Variants in MTF2 observed in about 807,000 individuals in gnomAD.
MTF2 encodes the protein metal-response element-binding transcription factor 2.
In MTF2, 11 loss-of-function variants were observed where a neutral mutation model predicts 79.5. That is an observed-to-expected ratio of 0.14 (90% CI 0.09 to 0.23). MTF2 has a LOEUF of 0.23. Among genes scored for constraint, MTF2 ranks in the 10% least tolerant of loss-of-function variants. MTF2 has a pLI of 1.00. For synonymous variants in MTF2, 208 were observed against 232.8 expected, an observed-to-expected ratio of 0.89 and a Z score of 0.97; for missense variants, 486 against 711.2, an observed-to-expected ratio of 0.68 and a Z score of 3.60.
intron 1 of MTF2, among the ~76,000 whole-genome samples, chr1:93,080,411 G>A (rs916053947): frequency 3.3e-5 from 5 of 152,158 alleles, no homozygotes; most frequent in Admixed American, 1.3e-4. Context: ...GGGAACAGAT[G>A]GATTTATCGG....
At chr1:93,135,674 G>T (rs36057148) in intron 14 of MTF2, among the ~76,000 whole-genome samples, 2 of 152,220 alleles carry the variant, frequency 1.3e-5, no homozygotes, top group Middle Eastern at 3.4e-3. Flanking sequence ...TTATCTGGGC[G>T]TGGTATTGGT....
chr1:93,086,992 A>G (rs1172080728), intron 1 of MTF2, among the ~76,000 whole-genome samples: 1 of 152,202 alleles, frequency 6.6e-6, no homozygotes, highest in East Asian at 1.9e-4. Flanking sequence ...TTTCATACAC[A>G]CGTTGTATGC....
At chr1:93,085,193 CTT>C (rs1306405963) in intron 1 of MTF2, among the ~76,000 whole-genome samples, 8 of 143,922 alleles carry the variant, frequency 5.6e-5, no homozygotes, top group Admixed American at 1.4e-4. Flanking sequence ...TTCTTTCTTT[CTT>C]TTTTTTTTTT....
intron 4 of MTF2, 95 bp downstream of exon 4, chr1:93,114,878 C>T (rs1656183729): frequency 8.2e-7 from 1 of 1,224,626 alleles, no homozygotes; most frequent in Admixed American, 2.3e-5. Context: ...TTGAAATTAT[C>T]CTTTTTATTA....
Position 93,079,417 on chromosome 1 carries a change from C to G in MTF2, c.-110C>G. 1.4e-6 allele frequency: 2 copies of G among 1,403,578 alleles called. No individual in the cohort carries two copies. Among genetic ancestry groups the G allele is most frequent in the Non-Finnish European group, 2.0e-6 (2 of 993,550 alleles). 86.9% of individuals were successfully genotyped at this position (1,403,578 alleles called of 1,614,324 possible). On this transcript the variant is annotated 5_prime_UTR_variant, in exon 1 of 15. Transcript: ENST00000370298. ...TTGTGCGTGCATATGTGCCGGGTAC[C>G]CGGTGGGGCGGGTGCCCAGTAAGTG...
chr1:93,101,586 T>TTTTTTTTTTG (rs1655545039), intron 1 of MTF2, among the ~76,000 whole-genome samples: 1 of 116,382 alleles, frequency 8.6e-6, no homozygotes, highest in Non-Finnish European at 1.8e-5. Flanking sequence ...TTTTTTTTTT[T>TTTTTTTTTTG]TTTTTTTTTT....
At chr1:93,123,210 C>CTT (rs749700655) in intron 9 of MTF2, among the ~76,000 whole-genome samples, 21 of 94,232 alleles carry the variant, frequency 2.2e-4, no homozygotes, top group African/African-American at 3.5e-4. Flanking sequence ...TCAGCTCTTT[C>CTT]TTTTTTTTTT....
intron 11 of MTF2, among the ~76,000 whole-genome samples, chr1:93,131,384 G>A (rs1656911928): frequency 1.3e-5 from 2 of 152,176 alleles, no homozygotes; most frequent in Admixed American, 6.5e-5. Flanking sequence ...CTTGATAAAA[G>A]GAATTTCTTT....
Position 93,114,707 on chromosome 1 carries a change from A to T in MTF2, c.306A>T (p.Glu102Asp). Residue 102 changes from glutamate (E) to aspartate (D), a missense_variant, in exon 4 of 15, where the codon GAA becomes GAT. Coordinates refer to ENST00000370298, the MANE Select transcript of MTF2 (RefSeq NM_007358.4). ...TTTTAGGAGCCACTGGAAGTGGGGAAATGGTCTGTACAATATGTCAAGAAG... is the reference window on the plus strand; with the variant it reads ...TTTTAGGAGCCACTGGAAGTGGGGATATGGTCTGTACAATATGTCAAGAAG... Reference protein sequence around the residue: ...DIQTGATGSGEMVCTICQEEY... With the variant: ...DIQTGATGSGDMVCTICQEEY... The T allele has an allele frequency of 6.2e-7, 1 of 1,606,102 alleles. No homozygotes were observed.
At position 93,137,135 on chromosome 1, in the gene MTF2, CA is replaced by C; in HGVS notation, c.*115del. ...ATCTTTCTTAAAAAAAAAAAAAAGT[CA>C]AAAAAATTCAAAAAAGGGGATGATA... On this transcript the variant is annotated 3_prime_UTR_variant, in exon 15 of 15. Coordinates refer to ENST00000370298, the MANE Select transcript of MTF2 (RefSeq NM_007358.4). 3.7e-6 allele frequency: 3 copies of C among 809,330 alleles called. No homozygotes were observed. Among genetic ancestry groups the C allele is most frequent in the Non-Finnish European group, 5.7e-6 (3 of 529,430 alleles). 50.1% of individuals were successfully genotyped at this position (809,330 alleles called of 1,614,324 possible). A position where few individuals can be genotyped will look rare whatever the true frequency, so the allele number is the denominator to read the frequency against.
intron 9 of MTF2, among the ~76,000 whole-genome samples, chr1:93,123,888 A>G (rs1456854496): frequency 6.6e-6 from 1 of 150,952 alleles, no homozygotes; most frequent in Non-Finnish European, 1.5e-5. Flanking sequence ...CTCCATTATC[A>G]ACATCCCTCC....
Position 93,110,634 on chromosome 1 carries a change from C to G in MTF2, c.286+8C>G. 1 of 1,588,370 alleles carries G rather than the reference C, an allele frequency of 6.3e-7. No homozygotes were observed. Among genetic ancestry groups the G allele is most frequent in the Non-Finnish European group, 8.6e-7 (1 of 1,160,288 alleles). On this transcript the variant is annotated splice_region_variant and intron_variant, in intron 3 of 14. Coordinates refer to ENST00000370298, the MANE Select transcript of MTF2 (RefSeq NM_007358.4). ...GGAAGGACATTCAAACAGGCAGGTGCTACTATTTCTCTTGAACATGATTTA... is the reference window on the plus strand; with the variant it reads ...GGAAGGACATTCAAACAGGCAGGTGGTACTATTTCTCTTGAACATGATTTA...
At chr1:93,115,764 T>TA (rs1656224813) in intron 6 of MTF2, 146 bp downstream of exon 6, 1 of 556,114 alleles carries the variant, frequency 1.8e-6, no homozygotes, top group Admixed American at 4.0e-5. Flanking sequence ...ATTATTTTCA[T>TA]AAAAAAATAA....
chr1:93,136,892 G>T lies in MTF2; in HGVS notation c.1647G>T (p.Lys549Asn). Residue 549 changes from lysine to asparagine, a missense_variant, in exon 15 of 15, where the codon AAG becomes AAT. Physicochemically the swap from Lys to Asn is moderately conservative, Grantham distance 94. Transcript: ENST00000370298. Reference protein sequence around the residue: ...ADQELQLNHLKNSITSYFGAA... With the variant: ...ADQELQLNHLNNSITSYFGAA... ...AGGAGTTACAACTCAATCATCTAAA[G>T]AACTCCATTACCAGTTATTTTGGTG... 6.2e-7 allele frequency: 1 copy of T among 1,614,148 alleles called. No homozygotes were observed. The highest frequency in any genetic ancestry group is 8.5e-7 in the Non-Finnish European group (1 of 1,180,018).
In MTF2 at chr1:93,134,234, C is replaced by T. The variant is rs1329910770; in HGVS notation, c.1424+39C>T. 6 of 1,398,792 alleles carry T rather than the reference C, an allele frequency of 4.3e-6. No homozygotes were observed. The Admixed American group carries it at 9.5e-5, about 22-fold the overall frequency. 86.6% of individuals were successfully genotyped at this position (1,398,792 alleles called of 1,614,324 possible). ...ATTCTTATTTTTTTTACTTTTTTTA[C>T]TCTAGATTTCTTTTCTTTGTAAAGT... On this transcript the variant is annotated intron_variant, in intron 14 of 14. Coordinates refer to ENST00000370298, the MANE Select transcript of MTF2 (RefSeq NM_007358.4).
chr1:93,103,185 CTTGTT>C (rs1395690718), intron 1 of MTF2, among the ~76,000 whole-genome samples: 1 of 151,048 alleles, frequency 6.6e-6, no homozygotes, highest in Non-Finnish European at 1.5e-5. Flanking sequence ...GTTCATTATA[CTTGTT>C]TTGTCTACGT....
chr1:93,100,161 A>G (rs1346968169), intron 1 of MTF2, among the ~76,000 whole-genome samples: 2 of 152,146 alleles, frequency 1.3e-5, no homozygotes, highest in Non-Finnish European at 2.9e-5. Context: ...GAAAGAGTTA[A>G]AAAAAACCCA....
intron 1 of MTF2, among the ~76,000 whole-genome samples, chr1:93,097,817 C>T (rs1443641450): frequency 2.0e-5 from 3 of 152,064 alleles, no homozygotes; most frequent in Non-Finnish European, 4.4e-5. Context: ...GGGCTGGTCG[C>T]GAGCTCCTGA....
intron 1 of MTF2, among the ~76,000 whole-genome samples, chr1:93,101,568 G>GTTTTTTTTTT (rs71586778): frequency 0.16 from 4,149 of 25,386 alleles, 1,835 homozygotes; most frequent in South Asian, 0.26. Flanking sequence ...GCTCAGGCTG[G>GTTTTTTTTTT]TTTTTTTTTT....
Sources: allele counts gnomAD v4.1 joint callset (sites outside exome capture counted in the v4.1 genomes callset), GRCh38; gene constraint gnomAD v4.1.1; transcripts MANE v1.5; gene names NCBI Gene and HGNC (gene_info 2026-07-23, HGNC 2026-07-21).